The following LAMA2 variants were observed in gnomAD, a reference collection of about 807,000 sequenced individuals.
LAMA2 encodes the protein laminin subunit alpha 2.
LAMA2 carries 269 observed loss-of-function variants against 364.8 expected under a neutral mutation model. The observed-to-expected ratio is 0.74, with a 90% CI of 0.67 to 0.82. The LOEUF is 0.82. LAMA2 is among the 40% of genes least tolerant of loss of function. The pLI is 0.00. For synonymous variants in LAMA2, 1,379 were observed against 1,370.6 expected (o/e 1.01, Z -0.14); for missense variants, 3,807 against 3,873.2 (o/e 0.98, Z 0.45).
chr6:128,951,533 C>G (rs575938773), intron 1 of LAMA2, among the ~76,000 whole-genome samples: 275 of 152,018 alleles, frequency 1.8e-3, no homozygotes, highest in African/African-American at 6.4e-3. Flanking sequence ...GTGAAATGAC[C>G]GACTTATCAA....
At chr6:129,203,088 C>T (rs1440124743) in intron 12 of LAMA2, among the ~76,000 whole-genome samples, 1 of 152,178 alleles carries the variant, frequency 6.6e-6, no homozygotes, top group African/African-American at 2.4e-5. Flanking sequence ...ATAAAATTTT[C>T]CCTCTGAAGT....
intron 1 of LAMA2, among the ~76,000 whole-genome samples, chr6:128,993,759 G>C (rs935216541): frequency 2.6e-5 from 4 of 152,050 alleles, no homozygotes; most frequent in Non-Finnish European, 4.4e-5. Flanking sequence ...TATGAAAGAA[G>C]GGAACAGTCT....
At chr6:129,023,001 A>G (rs1785541839) in intron 1 of LAMA2, among the ~76,000 whole-genome samples, 1 of 152,072 alleles carries the variant, frequency 6.6e-6, no homozygotes, top group African/African-American at 2.4e-5. Context: ...ATATCTTGAT[A>G]TGTCACCCTA....
chr6:129,230,710 A>G (rs1784625243), intron 12 of LAMA2, among the ~76,000 whole-genome samples: 1 of 152,118 alleles, frequency 6.6e-6, no homozygotes, highest in Non-Finnish European at 1.5e-5. Context: ...AACAGGTACT[A>G]TGAGTTTCTT....
At chr6:129,219,010 T>TTGC (rs1399706258) in intron 12 of LAMA2, among the ~76,000 whole-genome samples, 4 of 152,128 alleles carry the variant, frequency 2.6e-5, no homozygotes, top group Non-Finnish European at 4.4e-5. Flanking sequence ...ATCTGACAAT[T>TTGC]TGCTGGTTTG....
intron 32 of LAMA2, among the ~76,000 whole-genome samples, chr6:129,355,161 CAGTT>C (rs1289215033): frequency 6.6e-6 from 1 of 152,126 alleles, no homozygotes; most frequent in Non-Finnish European, 1.5e-5. Flanking sequence ...TGCTAAAGCA[CAGTT>C]AATTATCTTA....
At chr6:129,359,391 G>A (rs4243499) in intron 32 of LAMA2, among the ~76,000 whole-genome samples, 122,568 of 150,984 alleles carry the variant, frequency 0.81, 49,967 homozygotes, top group Admixed American at 0.87. Flanking sequence ...TCTCAGCTGA[G>A]GTCTACAGCT....
intron 3 of LAMA2, among the ~76,000 whole-genome samples, chr6:129,068,943 T>C (rs1773118959): frequency 6.6e-6 from 1 of 152,150 alleles, no homozygotes; most frequent in African/African-American, 2.4e-5. Flanking sequence ...AACAAGAGTG[T>C]AAATGTAGGA....
chr6:128,896,121 G>A (rs529081950), intron 1 of LAMA2, among the ~76,000 whole-genome samples: 1 of 152,196 alleles, frequency 6.6e-6, no homozygotes, highest in South Asian at 2.1e-4. Flanking sequence ...ATGAGTGGTA[G>A]TAAGATATTT....
chr6:129,302,959 A>C (rs1260125854), intron 22 of LAMA2, among the ~76,000 whole-genome samples: 1 of 152,112 alleles, frequency 6.6e-6, no homozygotes, highest in Non-Finnish European at 1.5e-5. Flanking sequence ...TTTCCACATA[A>C]CTTTTAAATT....
intron 6 of LAMA2, 46 bp from the exon 7 acceptor site, chr6:129,148,933 T>C (rs780089004): frequency 8.0e-7 from 1 of 1,253,054 alleles, no homozygotes; most frequent in South Asian, 1.2e-5. Flanking sequence ...TCCTTTATGG[T>C]TCTAAATGAG....
intron 63 of LAMA2, among the ~76,000 whole-genome samples, chr6:129,513,754 A>C (rs1209714655): frequency 6.6e-6 from 1 of 152,164 alleles, no homozygotes; most frequent in African/African-American, 2.4e-5. Flanking sequence ...TTAGACCAGA[A>C]CTTCTAGTCT....
chr6:129,366,076 A>T, intron 32 of LAMA2, 143 bp from the exon 33 acceptor site: 1 of 855,424 alleles, frequency 1.2e-6, no homozygotes. Context: ...CATCCATTTG[A>T]TAGCATTAAT....
chr6:129,463,029 G>A (rs905228852), intron 49 of LAMA2, among the ~76,000 whole-genome samples: 1 of 151,936 alleles, frequency 6.6e-6, no homozygotes, highest in Non-Finnish European at 1.5e-5. Flanking sequence ...TTTTTCTCAT[G>A]CTTCTAAAAT....
At chr6:129,266,515 G>A (rs1283608993) in intron 15 of LAMA2, among the ~76,000 whole-genome samples, 1 of 152,138 alleles carries the variant, frequency 6.6e-6, no homozygotes, top group Non-Finnish European at 1.5e-5. Flanking sequence ...ATAATAGGAT[G>A]GAGGAAATTT....
At position 129,464,406 on chromosome 6, in the gene LAMA2, C is replaced by A; in HGVS notation, c.7109C>A (p.Thr2370Lys). The A allele has an allele frequency of 6.2e-7, 1 of 1,612,398 alleles. No individual in the cohort carries two copies. The highest frequency in any genetic ancestry group is 8.5e-7 in the Non-Finnish European group (1 of 1,178,804). ...TCCACTGTCATGTTCAAGTTCAGAA[C>A]ATTTTCTTCGAGTGCTCTTCTGATG... The part of the protein sequence containing the change: ...NISTVMFKFR[T>K]FSSSALLMYL... Residue 2370 changes from threonine (T) to lysine (K), a missense_variant, in exon 50 of 65, where the codon ACA becomes AAA. Thr to Lys is a moderately conservative substitution (Grantham distance 78). Around this residue, in one of 3 missense-constraint regions of LAMA2, gnomAD observed 3,333 missense variants for 3,345.7 expected, o/e 1.00. Coordinates refer to ENST00000421865, the MANE Select transcript of LAMA2 (RefSeq NM_000426.4).
chr6:129,387,597 C>G (rs1180193904), intron 35 of LAMA2, among the ~76,000 whole-genome samples: 1 of 152,182 alleles, frequency 6.6e-6, no homozygotes, highest in African/African-American at 2.4e-5. Context: ...TCTAAAGACA[C>G]ATATACAGTA....
At chr6:129,234,919 CTA>C (rs2115138946) in intron 12 of LAMA2, among the ~76,000 whole-genome samples, 1 of 152,060 alleles carries the variant, frequency 6.6e-6, no homozygotes, top group African/African-American at 2.4e-5. Context: ...AAATTGAGGT[CTA>C]TGTTTTTGAG....
intron 4 of LAMA2, among the ~76,000 whole-genome samples, chr6:129,139,246 T>C (rs1197187376): frequency 2.0e-5 from 3 of 152,076 alleles, no homozygotes; most frequent in East Asian, 3.9e-4. Context: ...TCCCTTTCCT[T>C]GAGCTTTCTA....
Sources: allele counts gnomAD v4.1 joint callset (sites outside exome capture counted in the v4.1 genomes callset), GRCh38; gene constraint gnomAD v4.1.1; regional missense constraint gnomAD v4.1.1; transcripts MANE v1.5; gene names NCBI Gene and HGNC (gene_info 2026-07-23, HGNC 2026-07-21).